UGT1A7: variants seen among roughly 807,000 people sequenced by gnomAD.
UGT1A7 encodes the protein UDP glucuronosyltransferase family 1 member A7, also known as UDP-glucuronosyltransferase 1A7.
In UGT1A7, 33 loss-of-function variants were observed where a neutral mutation model predicts 45.6. That is an observed-to-expected ratio of 0.72 (90% CI 0.55 to 0.97). The LOEUF is 0.97. Ranked by LOEUF, UGT1A7 falls within the 50% of genes least tolerant of loss-of-function variation. UGT1A7 has a pLI of 0.00. For missense variants in UGT1A7, 684 were observed against 666.2 expected, an observed-to-expected ratio of 1.03 and a Z score of -0.29; for synonymous variants, 274 against 250.6, an observed-to-expected ratio of 1.09 and a Z score of -0.88.
intron 1 of UGT1A7, among the ~76,000 whole-genome samples, chr2:233,717,560 C>T (rs2076588368): frequency 6.6e-6 from 1 of 152,246 alleles, no homozygotes; most frequent in Admixed American, 6.5e-5. Flanking sequence ...CAATGGCAGA[C>T]ATGGCCAGGC....
intron 1 of UGT1A7, chr2:233,747,689 A>C (rs552388790): frequency 3.7e-6 from 6 of 1,609,664 alleles, no homozygotes; most frequent in Non-Finnish European, 5.1e-6. Flanking sequence ...TCTGTGGGGC[A>C]GTGCTGGCTA....
At chr2:233,764,754 C>T (rs955406982) in intron 1 of UGT1A7, among the ~76,000 whole-genome samples, 3 of 152,116 alleles carry the variant, frequency 2.0e-5, no homozygotes, top group African/African-American at 7.2e-5. Context: ...GTGGTGCAGA[C>T]CCTAGGGAGG....
intron 1 of UGT1A7, chr2:233,747,084 A>G: frequency 8.6e-7 from 1 of 1,158,212 alleles, no homozygotes; most frequent in Non-Finnish European, 1.2e-6. Flanking sequence ...AACTAGGAGG[A>G]GAGCACTCTA....
intron 1 of UGT1A7, among the ~76,000 whole-genome samples, chr2:233,704,329 A>C (rs1314519852): frequency 7.9e-6 from 1 of 126,880 alleles, no homozygotes; most frequent in African/African-American, 3.3e-5. Flanking sequence ...TTTTCTTTCC[A>C]CTATTTAAAA....
intron 1 of UGT1A7, among the ~76,000 whole-genome samples, chr2:233,711,719 T>C (rs1470924587): frequency 6.6e-6 from 1 of 152,192 alleles, no homozygotes. Flanking sequence ...AAGCCTCAGC[T>C]TCACCAGCAA....
At chr2:233,757,560 A>ATATATATATATATATG (rs904896556) in intron 1 of UGT1A7, among the ~76,000 whole-genome samples, 35 of 123,152 alleles carry the variant, frequency 2.8e-4, no homozygotes, top group African/African-American at 1.1e-3. Context: ...ATATATATAT[A>ATATATATATATATATG]TGTATATATG....
In UGT1A7 at chr2:233,772,400, C is replaced by T. The variant is rs1479735066; in HGVS notation, c.1434C>T (p.Leu478=). ...APHLRPAAHD[L]TWYQYHSLDV... is the part of the protein sequence containing the mutation. ...ACCTGCGCCCCGCAGCCCACGACCT[C>T]ACCTGGTACCAGTACCATTCCTTGG... Residue 478 remains leucine, a synonymous_variant, in exon 5 of 5, where the codon CTC becomes CTT. Transcript: ENST00000373426. 1 of 1,614,246 alleles carries T rather than the reference C, an allele frequency of 6.2e-7. No homozygotes were observed.
intron 1 of UGT1A7, among the ~76,000 whole-genome samples, chr2:233,725,182 A>G (rs1185569328): frequency 3.4e-5 from 3 of 87,630 alleles, no homozygotes; most frequent in African/African-American, 2.7e-4. Flanking sequence ...CCGTGGGGAG[A>G]GGCAGAGGCA....
intron 1 of UGT1A7, among the ~76,000 whole-genome samples, chr2:233,725,192 A>C (rs1239126007): frequency 1.2e-5 from 1 of 85,448 alleles, no homozygotes; most frequent in African/African-American, 8.6e-5. Flanking sequence ...AGGCAGAGGC[A>C]GAGGCAGAGG....
At chr2:233,688,964 A>T (rs562862783) in intron 1 of UGT1A7, among the ~76,000 whole-genome samples, 1 of 152,182 alleles carries the variant, frequency 6.6e-6, no homozygotes, top group African/African-American at 2.4e-5. Context: ...TTGGAATCAT[A>T]GCATGTTCTT....
chr2:233,756,694 GA>G (rs888439018), intron 1 of UGT1A7, among the ~76,000 whole-genome samples: 3 of 152,120 alleles, frequency 2.0e-5, no homozygotes, highest in Non-Finnish European at 2.9e-5. Flanking sequence ...TAATGACGAT[GA>G]ATTTTGGGGG....
At chr2:233,747,351 G>A (rs1693640886) in intron 1 of UGT1A7, 1 of 1,603,176 alleles carries the variant, frequency 6.2e-7, no homozygotes, top group Non-Finnish European at 8.5e-7. Context: ...CATGCGGGAG[G>A]CCGTGCGGGA....
intron 1 of UGT1A7, among the ~76,000 whole-genome samples, chr2:233,737,983 G>A (rs936193524): frequency 6.6e-6 from 1 of 151,932 alleles, no homozygotes; most frequent in African/African-American, 2.4e-5. Flanking sequence ...ATATGGTTTG[G>A]CTCTGTGTCC....
intron 1 of UGT1A7, among the ~76,000 whole-genome samples, chr2:233,725,254 CA>C (rs1559370489): frequency 1.4e-5 from 1 of 71,856 alleles, no homozygotes; most frequent in Non-Finnish European, 2.5e-5. Flanking sequence ...GCAGAGGAGG[CA>C]GAGGCAGAGG....
chr2:233,699,963 C>T (rs550263669), intron 1 of UGT1A7, among the ~76,000 whole-genome samples: 13 of 152,298 alleles, frequency 8.5e-5, no homozygotes, highest in African/African-American at 1.2e-4. Context: ...GAAAAATACC[C>T]GTCCCCCAAC....
chr2:233,757,904 G>A (rs539067389), intron 1 of UGT1A7, among the ~76,000 whole-genome samples: 3 of 152,170 alleles, frequency 2.0e-5, no homozygotes, highest in African/African-American at 4.8e-5. Context: ...TTCCATGGAC[G>A]TGTCACTCTT....
intron 1 of UGT1A7, among the ~76,000 whole-genome samples, chr2:233,697,309 ATTGT>A (rs1228045255): frequency 2.0e-5 from 3 of 151,956 alleles, no homozygotes; most frequent in Admixed American, 6.6e-5. Context: ...ATCTTGGTAG[ATTGT>A]TTGTGTTTGG....
chr2:233,743,851 C>T (rs375874968), intron 1 of UGT1A7: 40 of 1,367,126 alleles, frequency 2.9e-5, no homozygotes, highest in African/African-American at 2.2e-4. Flanking sequence ...GCTTGCGGTA[C>T]GCCTTCTTGA....
intron 1 of UGT1A7, chr2:233,752,495 C>T (rs1266161924): frequency 6.6e-6 from 1 of 152,176 alleles, no homozygotes; most frequent in Non-Finnish European, 1.5e-5. Flanking sequence ...TGAGATGAGA[C>T]ATTTTAAAAA....
Sources: gnomAD v4.1 joint callset for allele counts (sites outside exome capture counted in the v4.1 genomes callset) on GRCh38, gnomAD v4.1.1 for gene constraint, MANE v1.5 for transcripts, NCBI Gene and HGNC (gene_info 2026-07-23, HGNC 2026-07-21) for gene names.